Variants in ADCY1 observed in about 807,000 individuals in gnomAD.
ADCY1 encodes adenylate cyclase type 1.
In ADCY1, 28 loss-of-function variants were observed where a neutral mutation model predicts 105.4. That is an observed-to-expected ratio of 0.27 (90% CI 0.20 to 0.36). ADCY1 has a LOEUF of 0.36. Ranked by LOEUF, ADCY1 falls within the 10% of genes least tolerant of loss-of-function variation. The probability of loss-of-function intolerance (pLI) is 1.00; values close to 1 mark genes in which losing one functional copy is unlikely to be tolerated. For synonymous variants in ADCY1, 655 were observed against 623.8 expected (o/e 1.05, Z -0.75); for missense variants, 977 against 1,434.2 (o/e 0.68, Z 5.15).
At chr7:45,658,888 C>T (rs1795014412) in intron 6 of ADCY1, among the ~76,000 whole-genome samples, 1 of 152,198 alleles carries the variant, frequency 6.6e-6, no homozygotes, top group Non-Finnish European at 1.5e-5. Flanking sequence ...AGCGCCCTGC[C>T]TGCCCCAGGC....
At chr7:45,685,861 A>G (rs1784661299) in intron 12 of ADCY1, 101 bp from the exon 13 acceptor site, 1 of 1,455,234 alleles carries the variant, frequency 6.9e-7, no homozygotes, top group Non-Finnish European at 9.2e-7. Flanking sequence ...GTCAGAGCAA[A>G]ACCTTGGGAG....
chr7:45,706,667 T>C (rs76705255), intron 17 of ADCY1, among the ~76,000 whole-genome samples: 1 of 151,936 alleles, frequency 6.6e-6, no homozygotes, highest in East Asian at 1.9e-4. Flanking sequence ...TTAAATACAA[T>C]ACCAAAAGCA....
At chr7:45,643,873 G>C (rs372339325) in intron 4 of ADCY1, among the ~76,000 whole-genome samples, 1 of 152,158 alleles carries the variant, frequency 6.6e-6, no homozygotes, top group African/African-American at 2.4e-5. Flanking sequence ...AACAGGGCAC[G>C]CTGATTCCTC....
At chr7:45,586,424 A>G (rs75900288) in intron 1 of ADCY1, among the ~76,000 whole-genome samples, 2 of 152,310 alleles carry the variant, frequency 1.3e-5, no homozygotes, top group East Asian at 3.9e-4. Flanking sequence ...GTGTTATTTT[A>G]TTTTTATTAT....
Position 45,583,750 on chromosome 7 carries a change from C to T in ADCY1, c.639+8568C>T, listed in dbSNP as rs559278804. On this transcript the variant is annotated intron_variant, in intron 1 of 19. Coordinates refer to ENST00000297323, the MANE Select transcript of ADCY1 (RefSeq NM_021116.4). ...CCGAGTCCCAGGTTCAAGCGATTCT[C>T]CTGCCTCAGCCTCCTGAGTAGCTGG... Among the ~76,000 whole-genome samples the T allele has an allele frequency of 7.2e-5, 11 of 152,114 alleles. No homozygotes were observed. In the East Asian group the frequency reaches 1.7e-3, roughly 24 times the overall value.
intron 17 of ADCY1, among the ~76,000 whole-genome samples, chr7:45,705,534 T>TA (rs1330236504): frequency 3.9e-5 from 6 of 152,294 alleles, no homozygotes; most frequent in East Asian, 1.9e-4. Context: ...CCTGGTTTTT[T>TA]AAAAAAACTC....
At chr7:45,600,625 A>G (rs1384814728) in intron 2 of ADCY1, among the ~76,000 whole-genome samples, 1 of 152,262 alleles carries the variant, frequency 6.6e-6, no homozygotes, top group Non-Finnish European at 1.5e-5. Context: ...TGGTGTGGTC[A>G]GCTTAGGCTG....
Position 45,657,808 on chromosome 7 carries a change from C to T in ADCY1, c.1230C>T (p.Gly410=). The part of the protein sequence containing the change: ...HTGRVLCGVL[G]LRKWQYDVWS... ...GCAGGGTCCTCTGTGGTGTCCTGGG[C>T]TTGCGCAAGTGGCAGTACGACGTGT... The change falls in exon 6 of 20, where the codon GGC becomes GGT. Residue 410 remains glycine, a synonymous_variant. Transcript: ENST00000297323. 6.3e-7 allele frequency: 1 copy of T among 1,599,294 alleles called. No homozygotes were observed. The highest frequency in any genetic ancestry group is 2.3e-5 in the East Asian group (1 of 43,794).
intron 1 of ADCY1, among the ~76,000 whole-genome samples, chr7:45,588,875 GTGTGTGTGTGTGTGTGTGTA>G (rs918660689): frequency 6.6e-6 from 1 of 150,708 alleles, no homozygotes; most frequent in African/African-American, 2.5e-5. Context: ...GTGTATGTGT[GTGTGTGTGTGTGTGTGTGTA>G]TGTGTGTGTG....
intron 4 of ADCY1, among the ~76,000 whole-genome samples, chr7:45,630,046 C>A (rs1305648907): frequency 6.6e-6 from 1 of 152,120 alleles, no homozygotes; most frequent in African/African-American, 2.4e-5. Flanking sequence ...CTTTTCATTG[C>A]TTATTGGCCA....
chr7:45,684,941 A>C, intron 11 of ADCY1, 38 bp from the exon 12 acceptor site: 1 of 1,571,846 alleles, frequency 6.4e-7, no homozygotes, highest in Non-Finnish European at 8.8e-7. Flanking sequence ...CACCTTGGTA[A>C]TCAGAGGGTA....
chr7:45,694,836 C>T (rs1297929263), intron 14 of ADCY1, among the ~76,000 whole-genome samples: 1 of 152,198 alleles, frequency 6.6e-6, no homozygotes, highest in Non-Finnish European at 1.5e-5. Context: ...TTTATTCTTG[C>T]CAGTGGAGGC....
At chr7:45,625,498 C>T (rs141476790) in intron 4 of ADCY1, among the ~76,000 whole-genome samples, 1,889 of 152,042 alleles carry the variant, frequency 0.012, 34 homozygotes, top group African/African-American at 0.043. Flanking sequence ...CGTGTGTACA[C>T]ATGAATGTGT....
chr7:45,643,378 T>C (rs1451437966), intron 4 of ADCY1, among the ~76,000 whole-genome samples: 1 of 152,184 alleles, frequency 6.6e-6, no homozygotes, highest in African/African-American at 2.4e-5. Flanking sequence ...TGCTGAAAAT[T>C]CTAATGACAG....
intron 4 of ADCY1, among the ~76,000 whole-genome samples, chr7:45,635,598 C>CTTT (rs1554322107): frequency 1.9e-4 from 6 of 31,426 alleles, no homozygotes; most frequent in African/African-American, 2.8e-4. Flanking sequence ...TCTAATTTCT[C>CTTT]TTGTTTTTTT....
In ADCY1 at chr7:45,713,668, A is replaced by G. The variant is rs775713706; in HGVS notation, c.3058-25A>G. ...GGAGTCCCCCTCATTGCCCTGAAGT[A>G]ACACTCACTTCTCTCCATCAACAGG... On this transcript the variant is annotated intron_variant, in intron 19 of 19. Transcript: ENST00000297323. The G allele has an allele frequency of 6.5e-6, 5 of 771,162 alleles. No homozygotes were observed. In the African/African-American group the frequency reaches 8.5e-5, roughly 13 times the overall value. The allele number at this position is 771,162 out of a possible 1,614,324, so 47.8% of individuals were successfully genotyped here.
rs1785340477 is a variant in ADCY1, at chr7:45,715,281, T to G, written c.*1286T>G. 1 of 152,368 alleles carries G rather than the reference T, an allele frequency of 6.6e-6. No homozygotes were observed. Among genetic ancestry groups the G allele is most frequent in the Admixed American group, 6.5e-5 (1 of 15,268 alleles). The allele number at this position is 152,368 out of a possible 1,614,324, so 9.4% of individuals were successfully genotyped here. ...TCTCGGTCACAGGGAGGAAGGCAGC[T>G]AGAAATGGGAGGGAAGCTTCTGGGT... On this transcript the variant is annotated 3_prime_UTR_variant, in exon 20 of 20. Transcript: ENST00000297323.
chr7:45,694,709 C>CT (rs1784848953), intron 14 of ADCY1, among the ~76,000 whole-genome samples: 1 of 152,180 alleles, frequency 6.6e-6, no homozygotes, highest in South Asian at 2.1e-4. Flanking sequence ...TTGGGTCTTG[C>CT]TTTTCACCTT....
chr7:45,650,826 C>T (rs1342605017), intron 5 of ADCY1, among the ~76,000 whole-genome samples: 3 of 152,124 alleles, frequency 2.0e-5, no homozygotes, highest in Admixed American at 1.3e-4. Flanking sequence ...TCTTCCTGAC[C>T]GCTGCCCAGG....
Sources: allele counts gnomAD v4.1 joint callset (sites outside exome capture counted in the v4.1 genomes callset), GRCh38; gene constraint gnomAD v4.1.1; transcripts MANE v1.5; gene names NCBI Gene and HGNC (gene_info 2026-07-23, HGNC 2026-07-21).